The following ZNF679 variants were observed in gnomAD, a reference collection of about 807,000 sequenced individuals.
ZNF679 encodes hypothetical protein MGC42415.
In ZNF679, 10 loss-of-function variants were observed where a neutral mutation model predicts 13.4. The ratio of observed to expected loss-of-function variants is 0.75; its 90% CI spans 0.46 to 1.27. ZNF679 has a LOEUF of 1.27. Ranked by LOEUF, ZNF679 falls within the 50% of genes most tolerant of loss-of-function variation. ZNF679 has a pLI of 0.00. For missense variants in ZNF679, 525 were observed against 477.8 expected (o/e 1.10, Z -0.92); for synonymous variants, 179 against 162.5 (o/e 1.10, Z -0.77).
At chr7:64,257,559 T>C (rs1225505656) in intron 2 of ZNF679, among the ~76,000 whole-genome samples, 1 of 152,216 alleles carries the variant, frequency 6.6e-6, no homozygotes, top group African/African-American at 2.4e-5. Flanking sequence ...ACATTATGTG[T>C]TATTCCCAGC....
At chr7:64,254,130 CTT>C (rs201161079) in intron 2 of ZNF679, among the ~76,000 whole-genome samples, 1 of 138,274 alleles carries the variant, frequency 7.2e-6, no homozygotes, top group African/African-American at 2.5e-5. Context: ...TTTATTATTA[CTT>C]TTTTTTTTTT....
intron 3 of ZNF679, 124 bp from the exon 4 acceptor site, chr7:64,260,710 C>T: frequency 9.2e-7 from 1 of 1,090,040 alleles, no homozygotes. Context: ...TTAAAAAGTT[C>T]TGTTATGAAT....
chr7:64,236,340 A>AT (rs1462293511), intron 1 of ZNF679, among the ~76,000 whole-genome samples: 1 of 152,172 alleles, frequency 6.6e-6, no homozygotes, highest in African/African-American at 2.4e-5. Context: ...TACGCTTACA[A>AT]TAAGCAGGCC....
chr7:64,229,000 C>T (rs1489242948), intron 1 of ZNF679, among the ~76,000 whole-genome samples: 1 of 152,162 alleles, frequency 6.6e-6, no homozygotes, highest in Non-Finnish European at 1.5e-5. Context: ...CATTTGAGAT[C>T]TTCACACAAC....
chr7:64,260,276 G>C lies in ZNF679; in HGVS notation c.95G>C (p.Cys32Ser), dbSNP rs780549076. Residue 32 changes from cysteine to serine, a missense_variant, in exon 3 of 5, where the codon TGC becomes TCC. Coordinates refer to ENST00000421025, the MANE Select transcript of ZNF679 (RefSeq NM_153363.3). Reference sequence around the variant, plus strand: ...GAATTCTCTCTGGAGGAGTGGCAATGCCTGGATCACGCTCAGCAGAATTTA... The same window carrying C: ...GAATTCTCTCTGGAGGAGTGGCAATCCCTGGATCACGCTCAGCAGAATTTA... ...VIEFSLEEWQ[C>S]LDHAQQNLYR... is the part of the protein sequence containing the mutation. 1 of 1,612,854 alleles carries C rather than the reference G, an allele frequency of 6.2e-7. No homozygotes were observed. Among genetic ancestry groups the C allele is most frequent in the Non-Finnish European group, 8.5e-7 (1 of 1,179,574 alleles).
Position 64,260,881 on chromosome 7 carries a change from A to G in ZNF679, c.214A>G (p.Lys72Glu), listed in dbSNP as rs1226931338. ...CTTGATCACCTGTCTGGAGCAAAAT[A>G]AAGAGCCTTGGAATATAAAGAGAAA... ...PDLITCLEQNKEPWNIKRNEM... is the reference protein window; with the variant it reads ...PDLITCLEQNEEPWNIKRNEM... Residue 72 changes from lysine (K) to glutamate (E), a missense_variant, in exon 4 of 5, where the codon AAA becomes GAA. Transcript: ENST00000421025. 2 of 1,612,098 alleles carry G rather than the reference A, an allele frequency of 1.2e-6. No homozygotes were observed. The highest frequency in any genetic ancestry group is 1.7e-5 in the Admixed American group (1 of 59,486).
At chr7:64,240,492 T>C (rs1265906765) in intron 1 of ZNF679, among the ~76,000 whole-genome samples, 2 of 152,196 alleles carry the variant, frequency 1.3e-5, no homozygotes, top group Non-Finnish European at 2.9e-5. Flanking sequence ...AGGCATATTG[T>C]ATGAAGCCCG....
chr7:64,235,083 C>T (rs1006024381), intron 1 of ZNF679, among the ~76,000 whole-genome samples: 4 of 152,168 alleles, frequency 2.6e-5, no homozygotes, highest in African/African-American at 9.7e-5. Flanking sequence ...GGTGATACAC[C>T]TGCTTCAGCC....
intron 2 of ZNF679, among the ~76,000 whole-genome samples, chr7:64,254,845 C>A (rs985885595): frequency 6.6e-6 from 1 of 151,824 alleles, no homozygotes; most frequent in Non-Finnish European, 1.5e-5. Flanking sequence ...ACCAAAAATA[C>A]AGAAATTAGC....
At chr7:64,264,666 T>C (rs1340490212) in intron 4 of ZNF679, among the ~76,000 whole-genome samples, 2 of 152,100 alleles carry the variant, frequency 1.3e-5, no homozygotes, top group African/African-American at 4.8e-5. Context: ...GAAGATTTTT[T>C]TTCAGCACTT....
At chr7:64,247,320 C>T (rs1171905718) in intron 1 of ZNF679, among the ~76,000 whole-genome samples, 2 of 152,182 alleles carry the variant, frequency 1.3e-5, no homozygotes, top group Non-Finnish European at 2.9e-5. Flanking sequence ...TCACCCAGCA[C>T]CTATTCCAGA....
At chr7:64,248,967 A>G in intron 1 of ZNF679, 61 bp from the exon 2 acceptor site, 1 of 1,107,734 alleles carries the variant, frequency 9.0e-7, no homozygotes, top group Non-Finnish European at 1.3e-6. Context: ...TCAGGCATGC[A>G]GCTGGAGAGA....
At chr7:64,259,292 C>T (rs552533227) in intron 2 of ZNF679, among the ~76,000 whole-genome samples, 2 of 152,066 alleles carry the variant, frequency 1.3e-5, no homozygotes, top group African/African-American at 2.4e-5. Flanking sequence ...TTATGACCTG[C>T]GGTATTTAAA....
intron 2 of ZNF679, among the ~76,000 whole-genome samples, chr7:64,258,048 T>C (rs1195958983): frequency 3.3e-5 from 5 of 152,148 alleles, no homozygotes; most frequent in Non-Finnish European, 7.3e-5. Flanking sequence ...CTATTTCAGT[T>C]TGGTAGGAAG....
At chr7:64,234,590 C>A (rs572229009) in intron 1 of ZNF679, among the ~76,000 whole-genome samples, 34 of 152,146 alleles carry the variant, frequency 2.2e-4, no homozygotes, top group Non-Finnish European at 4.7e-4. Flanking sequence ...TTCTTCCCAG[C>A]ACCTCTAGAT....
chr7:64,237,003 AAGAAAGAAAGAAAGAAAGAAAC>A (rs1787735979), intron 1 of ZNF679, among the ~76,000 whole-genome samples: 1 of 84,432 alleles, frequency 1.2e-5, no homozygotes, highest in African/African-American at 4.9e-5. Context: ...AAGAAAGAAA[AAGAAAGAAAGAAAGAAAGAAAC>A]CTATGGGTAG....
chr7:64,250,357 C>T (rs946845919), intron 2 of ZNF679, among the ~76,000 whole-genome samples: 3 of 147,890 alleles, frequency 2.0e-5, no homozygotes, highest in African/African-American at 7.5e-5. Context: ...GCAACCTCCA[C>T]CTCCTGGGTT....
At chr7:64,254,079 A>G (rs1161997298) in intron 2 of ZNF679, among the ~76,000 whole-genome samples, 1 of 152,074 alleles carries the variant, frequency 6.6e-6, no homozygotes, top group Non-Finnish European at 1.5e-5. Flanking sequence ...CTGTTGCTGA[A>G]GACCACAAAG....
chr7:64,246,229 C>T (rs962309731), intron 1 of ZNF679, among the ~76,000 whole-genome samples: 2 of 152,112 alleles, frequency 1.3e-5, no homozygotes, highest in African/African-American at 4.8e-5. Flanking sequence ...ACTCTAACTC[C>T]CCTAAATTGG....
Sources: allele counts gnomAD v4.1 joint callset (sites outside exome capture counted in the v4.1 genomes callset), GRCh38; gene constraint gnomAD v4.1.1; transcripts MANE v1.5; gene names NCBI Gene and HGNC (gene_info 2026-07-23, HGNC 2026-07-21).